Variants in LARS2 observed in about 807,000 individuals in gnomAD.
LARS2 encodes the protein leucine--tRNA ligase, mitochondrial.
Under a neutral mutation model 116.6 loss-of-function variants are expected in LARS2, and 81 were observed. The observed-to-expected ratio is 0.69, with a 90% CI of 0.58 to 0.84. LARS2 has a LOEUF of 0.84. Among genes scored for constraint, LARS2 ranks in the 40% least tolerant of loss-of-function variants. The probability of loss-of-function intolerance (pLI) is 0.00; values close to 1 mark genes in which losing one functional copy is unlikely to be tolerated. For missense variants in LARS2, 968 were observed against 1,114.5 expected (o/e 0.87, Z 1.87); for synonymous variants, 396 against 407.2 (o/e 0.97, Z 0.33).
intron 10 of LARS2, among the ~76,000 whole-genome samples, chr3:45,484,572 C>G (rs1305528193): frequency 8.5e-6 from 1 of 117,044 alleles, no homozygotes; most frequent in Non-Finnish European, 1.7e-5. Context: ...TTTAGACCAG[C>G]CTGGGTGACA....
intron 13 of LARS2, among the ~76,000 whole-genome samples, chr3:45,494,248 C>T (rs917233476): frequency 2.0e-5 from 3 of 152,172 alleles, no homozygotes; most frequent in Admixed American, 6.5e-5. Flanking sequence ...AACCAGCTGA[C>T]GAGGGAGCTG....
intron 5 of LARS2, among the ~76,000 whole-genome samples, chr3:45,419,306 A>G (rs1360875291): frequency 6.6e-6 from 1 of 152,198 alleles, no homozygotes; most frequent in Non-Finnish European, 1.5e-5. Flanking sequence ...TTAAGCTTAT[A>G]AATGCTTGGC....
chr3:45,533,629 G>T (rs1234778192), intron 20 of LARS2, among the ~76,000 whole-genome samples: 1 of 152,094 alleles, frequency 6.6e-6, no homozygotes, highest in Non-Finnish European at 1.5e-5. Flanking sequence ...TCCCAGGAAG[G>T]ACTGATGTAA....
intron 7 of LARS2, among the ~76,000 whole-genome samples, chr3:45,458,457 C>T (rs1381518802): frequency 6.6e-6 from 1 of 152,056 alleles, no homozygotes; most frequent in African/African-American, 2.4e-5. Context: ...CTTTGGGAGG[C>T]CAAAACGGGT....
At chr3:45,496,204 C>T in intron 13 of LARS2, 71 bp from the exon 14 acceptor site, 12 of 1,218,328 alleles carry the variant, frequency 9.8e-6, no homozygotes, top group Non-Finnish European at 1.5e-5. Context: ...TTATAGCTCT[C>T]TCAAAAGCTG....
At chr3:45,527,177 C>T (rs1700542422) in intron 20 of LARS2, among the ~76,000 whole-genome samples, 1 of 152,118 alleles carries the variant, frequency 6.6e-6, no homozygotes, top group Non-Finnish European at 1.5e-5. Context: ...CCGGGGGAAA[C>T]ACTGGGCATC....
At chr3:45,485,903 CT>C in intron 11 of LARS2, 107 bp downstream of exon 11, 1 of 609,756 alleles carries the variant, frequency 1.6e-6, no homozygotes, top group Non-Finnish European at 2.9e-6. Context: ...ATTCCATGGT[CT>C]GATTTGCCTC....
intron 4 of LARS2, among the ~76,000 whole-genome samples, chr3:45,414,134 A>G (rs1698377542): frequency 6.6e-6 from 1 of 152,246 alleles, no homozygotes; most frequent in Admixed American, 6.5e-5. Flanking sequence ...TTTATGCCCA[A>G]GAATGTTCAT....
rs1002938434 is a variant in LARS2 at position 45,388,661 on chromosome 3, A to T, written c.-107A>T. The T allele has an allele frequency of 6.6e-6, 1 of 152,294 alleles. No homozygotes were observed. The allele number at this position is 152,294 out of a possible 1,614,324, so 9.4% of individuals were successfully genotyped here. On this transcript the variant is annotated 5_prime_UTR_variant, in exon 1 of 22. Transcript: ENST00000645846. Reference sequence around the variant, plus strand: ...GGAGAACGAGGAGTAGAGGAGCCGCAGGCCAGAGCCTGTGAGCAGGTAAAC... The same window carrying T: ...GGAGAACGAGGAGTAGAGGAGCCGCTGGCCAGAGCCTGTGAGCAGGTAAAC...
chr3:45,464,850 G>T (rs1699394986), intron 8 of LARS2, among the ~76,000 whole-genome samples: 2 of 152,116 alleles, frequency 1.3e-5, no homozygotes, highest in African/African-American at 4.8e-5. Flanking sequence ...GCTGGGATTT[G>T]GTGATGATGA....
intron 8 of LARS2, among the ~76,000 whole-genome samples, chr3:45,461,392 A>G (rs1201297836): frequency 6.6e-6 from 1 of 151,954 alleles, no homozygotes; most frequent in Non-Finnish European, 1.5e-5. Context: ...ACAGAAAAGT[A>G]TATGATGGGT....
intron 6 of LARS2, among the ~76,000 whole-genome samples, chr3:45,436,334 T>G (rs1338303697): frequency 2.0e-5 from 3 of 151,304 alleles, no homozygotes; most frequent in Admixed American, 1.3e-4. Flanking sequence ...ATTAAATTAA[T>G]GTTCTTTCTT....
chr3:45,519,526 A>T (rs1001327573), intron 18 of LARS2, among the ~76,000 whole-genome samples: 2 of 147,742 alleles, frequency 1.4e-5, no homozygotes, highest in Non-Finnish European at 1.5e-5. Flanking sequence ...ACCTTATCCC[A>T]TATTCTAAAA....
intron 10 of LARS2, among the ~76,000 whole-genome samples, chr3:45,482,921 A>G (rs1314135350): frequency 6.6e-6 from 1 of 152,138 alleles, no homozygotes; most frequent in Non-Finnish European, 1.5e-5. Flanking sequence ...TCTACACTTG[A>G]TCTGCGTTCC....
intron 8 of LARS2, among the ~76,000 whole-genome samples, chr3:45,460,529 A>G (rs900000699): frequency 3.3e-5 from 5 of 152,316 alleles, no homozygotes; most frequent in South Asian, 2.1e-4. Context: ...TGAATTTTCA[A>G]CTGTTCAGTG....
chr3:45,425,902 T>TC (rs1458346821), intron 6 of LARS2, among the ~76,000 whole-genome samples: 1 of 144,118 alleles, frequency 6.9e-6, no homozygotes, highest in East Asian at 2.2e-4. Context: ...AGCCTTTTTT[T>TC]TTTTCTTTTC....
At chr3:45,472,668 G>C (rs778596326) in intron 8 of LARS2, among the ~76,000 whole-genome samples, 1 of 152,334 alleles carries the variant, frequency 6.6e-6, no homozygotes, top group Non-Finnish European at 1.5e-5. Context: ...CTGAATTTAA[G>C]AACTGTTGTT....
chr3:45,473,237 C>T (rs187487971), intron 8 of LARS2, among the ~76,000 whole-genome samples: 1 of 152,064 alleles, frequency 6.6e-6, no homozygotes, highest in African/African-American at 2.4e-5. Flanking sequence ...ATTGTTGTTG[C>T]TTTTCATTTT....
rs1698400927 is a variant in LARS2, at chr3:45,415,661, A to G, written c.364-1821A>G. ...CCAGGAGTTCAAGACCAGCCTGGCCAACATAGCAAAACCCCATCTCTACTA... is the reference window on the plus strand; with the variant it reads ...CCAGGAGTTCAAGACCAGCCTGGCCGACATAGCAAAACCCCATCTCTACTA... On this transcript the variant is annotated intron_variant, in intron 4 of 21. Coordinates refer to ENST00000645846, the MANE Select transcript of LARS2 (RefSeq NM_015340.4). 2.6e-5 allele frequency among the ~76,000 whole-genome samples: 4 copies of G among 152,064 alleles called. No individual in the cohort carries two copies. The South Asian group carries it at 8.3e-4, about 32-fold the overall frequency.
Sources: gnomAD v4.1 joint callset for allele counts (sites outside exome capture counted in the v4.1 genomes callset) on GRCh38, gnomAD v4.1.1 for gene constraint, MANE v1.5 for transcripts, NCBI Gene and HGNC (gene_info 2026-07-23, HGNC 2026-07-21) for gene names.